The following TBC1D23 variants were observed in gnomAD, a reference collection of about 807,000 sequenced individuals.
TBC1D23 encodes the protein TBC1 domain family member 23, also known as HCV non-structural protein 4A-transactivated protein 1.
A neutral mutation model predicts 91.4 loss-of-function variants in TBC1D23; 55 were observed. That is an observed-to-expected ratio of 0.60 (90% CI 0.48 to 0.75). TBC1D23 has a LOEUF of 0.75. Ranked by LOEUF, TBC1D23 falls within the 30% of genes least tolerant of loss-of-function variation. The probability of loss-of-function intolerance (pLI) is 0.00; values close to 1 mark genes in which losing one functional copy is unlikely to be tolerated. For synonymous variants in TBC1D23, 289 were observed against 281.0 expected, an observed-to-expected ratio of 1.03 and a Z score of -0.28; for missense variants, 725 against 836.1, an observed-to-expected ratio of 0.87 and a Z score of 1.64.
At chr3:100,291,403 C>T (rs2067788648) in intron 5 of TBC1D23, among the ~76,000 whole-genome samples, 4 of 152,082 alleles carry the variant, frequency 2.6e-5, no homozygotes, top group East Asian at 3.9e-4. Context: ...GCCAACATGG[C>T]GAAACTTGTC....
chr3:100,309,692 A>G lies in TBC1D23; in HGVS notation c.1414-711A>G, dbSNP rs189973576. 1.7e-4 allele frequency among the ~76,000 whole-genome samples: 24 copies of G among 144,930 alleles called. No individual in the cohort carries two copies. In the East Asian group the frequency reaches 4.6e-3, roughly 28 times the overall value. On this transcript the variant is annotated intron_variant, in intron 13 of 18. Coordinates refer to ENST00000394144, the MANE Select transcript of TBC1D23 (RefSeq NM_001199198.3). ...AGTGGTACAATCTCAGCACACTGCAACCTCCACCTCACAGGTTCAAGCAGT... is the reference window on the plus strand; with the variant it reads ...AGTGGTACAATCTCAGCACACTGCAGCCTCCACCTCACAGGTTCAAGCAGT...
rs766318772 is a variant in TBC1D23, at chr3:100,302,149, T to C, written c.1175T>C (p.Ile392Thr). ...AQKQSIESGS[I>T]AGGEHLCFMG... ...AAGCAGTCCATTGAGTCTGGCTCCA[T>C]AGCTGGTGGGGAGCACCTCTGTTTT... Residue 392 changes from isoleucine to threonine, a missense_variant, in exon 11 of 19, where the codon ATA becomes ACA. Transcript: ENST00000394144. The C allele has an allele frequency of 1.1e-4, 185 of 1,613,822 alleles. No homozygotes were observed. Among genetic ancestry groups the C allele is most frequent in the Non-Finnish European group, 1.5e-4 (177 of 1,179,820 alleles).
intron 3 of TBC1D23, among the ~76,000 whole-genome samples, 164 bp from the exon 4 acceptor site, chr3:100,283,443 T>G (rs1308261088): frequency 6.6e-6 from 1 of 152,140 alleles, no homozygotes; most frequent in Non-Finnish European, 1.5e-5. Context: ...TGTGAACCAA[T>G]GATTGTTAAA....
chr3:100,264,384 A>G (rs947529580), intron 1 of TBC1D23, among the ~76,000 whole-genome samples: 4 of 151,698 alleles, frequency 2.6e-5, no homozygotes, highest in African/African-American at 7.3e-5. Flanking sequence ...TTTTTTCTAA[A>G]ATGTATCATA....
At chr3:100,318,037 CAT>C (rs1218493854) in intron 16 of TBC1D23, among the ~76,000 whole-genome samples, 1 of 151,394 alleles carries the variant, frequency 6.6e-6, no homozygotes, top group Admixed American at 6.6e-5. Context: ...AAAGCAAAGA[CAT>C]GTATGGAACT....
intron 3 of TBC1D23, among the ~76,000 whole-genome samples, chr3:100,282,415 A>C (rs2067702885): frequency 6.6e-6 from 1 of 152,194 alleles, no homozygotes; most frequent in Admixed American, 6.5e-5. Flanking sequence ...TTTGATTTTT[A>C]TATAATTAAA....
intron 18 of TBC1D23, among the ~76,000 whole-genome samples, chr3:100,321,777 A>T (rs1705861852): frequency 6.6e-6 from 1 of 152,058 alleles, no homozygotes; most frequent in African/African-American, 2.4e-5. Flanking sequence ...AGCAAACATC[A>T]TGAATCTATA....
At chr3:100,322,382 C>T (rs933333500) in intron 18 of TBC1D23, among the ~76,000 whole-genome samples, 1 of 152,136 alleles carries the variant, frequency 6.6e-6, no homozygotes, top group South Asian at 2.1e-4. Flanking sequence ...AGTGAGCCAC[C>T]GTGCCCGGCC....
intron 4 of TBC1D23, 39 bp downstream of exon 4, chr3:100,283,850 A>C: frequency 7.4e-7 from 1 of 1,348,930 alleles, no homozygotes; most frequent in Non-Finnish European, 1.1e-6. Context: ...TTAAAAGTGA[A>C]TACAGGCCTG....
Position 100,283,750 on chromosome 3 carries a change from C to G in TBC1D23, c.415C>G (p.Gln139Glu), listed in dbSNP as rs759893615. 6.2e-7 allele frequency: 1 copy of G among 1,613,464 alleles called. No homozygotes were observed. The highest frequency in any genetic ancestry group is 8.5e-7 in the Non-Finnish European group (1 of 1,179,420). The change falls in exon 4 of 19, where the codon CAA (glutamine) becomes GAA (glutamate). Residue 139 changes from glutamine to glutamate, a missense_variant. By Grantham distance (29) the Gln-to-Glu change is conservative. Coordinates refer to ENST00000394144, the MANE Select transcript of TBC1D23 (RefSeq NM_001199198.3). ...TCTACTGAAACCATTGGTGCATCTTCAACTGCCACGCAGCGATTTATACAA... is the reference window on the plus strand; with the variant it reads ...TCTACTGAAACCATTGGTGCATCTTGAACTGCCACGCAGCGATTTATACAA... ...IHLLKPLVHL[Q>E]LPRSDLYNCF...
At chr3:100,309,136 T>A (rs1295204455) in intron 13 of TBC1D23, among the ~76,000 whole-genome samples, 4 of 152,116 alleles carry the variant, frequency 2.6e-5, no homozygotes, top group African/African-American at 9.7e-5. Context: ...ATCGCACCAC[T>A]GCACTCCAAC....
intron 13 of TBC1D23, 72 bp downstream of exon 13, chr3:100,306,615 C>G (rs186249709): frequency 1.2e-6 from 1 of 819,226 alleles, no homozygotes; most frequent in African/African-American, 1.7e-5. Context: ...TACTAAACCC[C>G]CACCATAACA....
chr3:100,320,667 TTTTA>T, intron 17 of TBC1D23, 106 bp from the exon 18 acceptor site: 4 of 614,418 alleles, frequency 6.5e-6, no homozygotes, highest in Non-Finnish European at 1.0e-5. Context: ...TTTAACTCAA[TTTTA>T]TTTAGAGTTG....
At chr3:100,303,860 CT>C (rs1173091499) in intron 11 of TBC1D23, among the ~76,000 whole-genome samples, 1 of 151,898 alleles carries the variant, frequency 6.6e-6, no homozygotes, top group Non-Finnish European at 1.5e-5. Flanking sequence ...ATATTGTGAA[CT>C]TTTTTTTAAT....
intron 4 of TBC1D23, among the ~76,000 whole-genome samples, chr3:100,285,193 G>C (rs1436091349): frequency 6.6e-6 from 1 of 151,998 alleles, no homozygotes; most frequent in African/African-American, 2.4e-5. Context: ...TTTAATTATA[G>C]TCACAGAGTT....
chr3:100,310,705 T>C (rs529856204), intron 14 of TBC1D23, among the ~76,000 whole-genome samples, 163 bp downstream of exon 14: 34 of 152,344 alleles, frequency 2.2e-4, no homozygotes, highest in African/African-American at 6.3e-4. Flanking sequence ...ATTGCAGGAA[T>C]GTACTTTATA....
intron 4 of TBC1D23, among the ~76,000 whole-genome samples, chr3:100,288,873 CTG>C (rs1313517602): frequency 1.3e-5 from 2 of 152,212 alleles, no homozygotes; most frequent in Admixed American, 1.3e-4. Context: ...CTGGAATTAA[CTG>C]TGTTTTCAGT....
chr3:100,261,327 C>G, intron 1 of TBC1D23: 1 of 543,352 alleles, frequency 1.8e-6, no homozygotes. Flanking sequence ...CCTGTGTCGT[C>G]TGTCAGTCTC....
intron 4 of TBC1D23, among the ~76,000 whole-genome samples, chr3:100,289,188 C>T (rs934955620): frequency 6.6e-5 from 10 of 152,062 alleles, no homozygotes; most frequent in Admixed American, 6.6e-4. Flanking sequence ...GCACTCCAAC[C>T]TGAGTGACAG....
Sources: allele counts gnomAD v4.1 joint callset (sites outside exome capture counted in the v4.1 genomes callset), GRCh38; gene constraint gnomAD v4.1.1; transcripts MANE v1.5; gene names NCBI Gene and HGNC (gene_info 2026-07-23, HGNC 2026-07-21).